Variants in PPAT observed in about 807,000 individuals in gnomAD.
The protein encoded by PPAT is amidophosphoribosyltransferase.
Under a neutral mutation model 60.2 loss-of-function variants are expected in PPAT, and 20 were observed. The observed-to-expected ratio is 0.33, with a 90% confidence interval of 0.23 to 0.48. PPAT has a LOEUF of 0.48. PPAT is among the 20% of genes least tolerant of loss of function. The pLI is 0.99. For synonymous variants in PPAT, 194 were observed against 215.1 expected (o/e 0.90, Z 0.86); for missense variants, 349 against 629.6 (o/e 0.55, Z 4.77).
intron 1 of PPAT, chr4:56,420,397 C>T (rs1716981903): frequency 6.6e-6 from 1 of 152,154 alleles, no homozygotes; most frequent in Admixed American, 6.5e-5. Context: ...TGTAGCATTT[C>T]AGATTTCATA....
rs1438958781 is a variant in PPAT at position 56,435,573 on chromosome 4, G to A, written c.-96C>T. 2 of 1,586,406 alleles carry A rather than the reference G, an allele frequency of 1.3e-6. No homozygotes were observed. The highest frequency in any genetic ancestry group is 1.3e-5 in the African/African-American group (1 of 74,374). On this transcript the variant is annotated 5_prime_UTR_variant, in exon 1 of 11. Coordinates refer to ENST00000264220, the MANE Select transcript of PPAT (RefSeq NM_002703.5). ...CGGCCCGTCGAGCTCAGAAGCTCGC[G>A]CTCGCGACAGGCTCTTCCTTCCCGA... is the stretch of plus-strand genomic sequence containing the variant.
intron 1 of PPAT, among the ~76,000 whole-genome samples, chr4:56,416,043 C>T (rs928825257): frequency 2.0e-5 from 3 of 146,596 alleles, no homozygotes; most frequent in African/African-American, 7.6e-5. Flanking sequence ...GCACTCCAGC[C>T]TGGGCGACAG....
intron 1 of PPAT, chr4:56,410,888 A>C (rs1716419049): frequency 4.4e-6 from 3 of 685,134 alleles, no homozygotes; most frequent in African/African-American, 2.2e-5. Context: ...AGCCCCAGAG[A>C]CCACTGAAGG....
chr4:56,417,289 AT>A (rs1412969625), intron 1 of PPAT, among the ~76,000 whole-genome samples: 2 of 152,332 alleles, frequency 1.3e-5, no homozygotes, highest in East Asian at 1.9e-4. Flanking sequence ...TGTAACCTAA[AT>A]AAGAAAAAAA....
In PPAT at chr4:56,396,780, G is replaced by C. The variant is rs1302478766; in HGVS notation, c.1237-41C>G. On this transcript the variant is annotated intron_variant, in intron 9 of 10. Transcript: ENST00000264220. This position sits in a 1 kb window ranked among gnomAD's most constrained non-coding sequence, Gnocchi z 4.6. The stretch of plus-strand genomic sequence containing the variant: ...TTGCACACAAGGTTTTTAAGACTAT[G>C]CAAAATTCTTTCATTGTGCAAATAC... 4.5e-6 allele frequency: 7 copies of C among 1,572,426 alleles called. No homozygotes were observed. The highest frequency in any genetic ancestry group is 6.0e-6 in the Non-Finnish European group (7 of 1,160,654).
chr4:56,405,604 C>T (rs1716223492), intron 3 of PPAT, among the ~76,000 whole-genome samples: 1 of 152,144 alleles, frequency 6.6e-6, no homozygotes, highest in African/African-American at 2.4e-5. Flanking sequence ...CTTCATGAAG[C>T]CTCCATAAAA....
intron 1 of PPAT, among the ~76,000 whole-genome samples, chr4:56,412,573 C>T (rs1160980054): frequency 3.3e-5 from 5 of 152,268 alleles, no homozygotes; most frequent in South Asian, 2.1e-4. Context: ...AAGTGAGGCA[C>T]GATCCACCAC....
chr4:56,431,442 A>G, intron 1 of PPAT: 3 of 981,044 alleles, frequency 3.1e-6, no homozygotes, highest in Non-Finnish European at 3.6e-6. Flanking sequence ...AAATCTCTTA[A>G]GAAAAGTGCT....
chr4:56,410,545 T>C (rs554469749), intron 1 of PPAT: 3 of 986,318 alleles, frequency 3.0e-6, no homozygotes, highest in Non-Finnish European at 3.6e-6. Context: ...AGCACTGGAC[T>C]GAGGAGGAGG....
rs779046474 is a variant in PPAT, at chr4:56,435,376, A to G, written c.102T>C (p.Thr34=). Residue 34 remains threonine (T), a synonymous_variant, in exon 1 of 11, where the codon ACT becomes ACC. Coordinates refer to ENST00000264220, the MANE Select transcript of PPAT (RefSeq NM_002703.5). ...GGTGCTGCAGCCCCACGAGTCCCAG[A>G]GTGATCACATGCGGTACATCCAGCT... ...PTQLDVPHVI[T]LGLVGLQHRG... 18 of 1,613,326 alleles carry G rather than the reference A, an allele frequency of 1.1e-5. No individual in the cohort carries two copies. Among genetic ancestry groups the G allele is most frequent in the African/African-American group, 2.7e-5 (2 of 74,762 alleles).
chr4:56,427,557 A>T (rs1717352598), intron 1 of PPAT, among the ~76,000 whole-genome samples: 1 of 151,988 alleles, frequency 6.6e-6, no homozygotes, highest in Non-Finnish European at 1.5e-5. Flanking sequence ...CTGTAGTGCC[A>T]GCTACTTGGG....
intron 1 of PPAT, chr4:56,420,372 A>C (rs995344248): frequency 6.6e-6 from 1 of 152,252 alleles, no homozygotes; most frequent in Non-Finnish European, 1.5e-5. Flanking sequence ...TTGGTGCTCA[A>C]AAAGTTTCAA....
intron 1 of PPAT, chr4:56,410,901 A>C: frequency 2.3e-4 from 2 of 8,648 alleles, no homozygotes; most frequent in Non-Finnish European, 3.6e-4. Context: ...ACTGAAGGTA[A>C]AAAAAAAAAA....
At chr4:56,398,865 C>A (rs1716046814) in intron 9 of PPAT, among the ~76,000 whole-genome samples, 1 of 151,184 alleles carries the variant, frequency 6.6e-6, no homozygotes, top group South Asian at 2.1e-4. Context: ...ATTGCCCAGG[C>A]TGTTCTCGAA....
At chr4:56,428,837 T>C (rs1717428907) in intron 1 of PPAT, 1 of 179,114 alleles carries the variant, frequency 5.6e-6, no homozygotes, top group Non-Finnish European at 1.1e-5. Context: ...TATTTGTCCA[T>C]CTGCTTAAGT....
At chr4:56,400,950 A>C (rs752091900) in intron 7 of PPAT, 39 bp from the exon 8 acceptor site, 1 of 1,572,088 alleles carries the variant, frequency 6.4e-7, no homozygotes, top group Non-Finnish European at 8.7e-7. Flanking sequence ...ATTTTTACTT[A>C]GCATGATATA....
chr4:56,419,662 C>A (rs954452558), intron 1 of PPAT: 51 of 983,620 alleles, frequency 5.2e-5, no homozygotes, highest in Non-Finnish European at 6.2e-5. Context: ...ACTTTTATCC[C>A]AACTGTAGCA....
At chr4:56,426,936 CTCCTT>C (rs1312873900) in intron 1 of PPAT, among the ~76,000 whole-genome samples, 1 of 152,178 alleles carries the variant, frequency 6.6e-6, no homozygotes, top group Non-Finnish European at 1.5e-5. Context: ...GACCACTATT[CTCCTT>C]TCCATCTTTG....
At chr4:56,434,000 A>C (rs988579301) in intron 1 of PPAT, among the ~76,000 whole-genome samples, 4 of 152,184 alleles carry the variant, frequency 2.6e-5, no homozygotes, top group Non-Finnish European at 4.4e-5. Context: ...ATAGTTTCTA[A>C]GAATGTTACA....
Sources: allele counts gnomAD v4.1 joint callset (sites outside exome capture counted in the v4.1 genomes callset), GRCh38; gene constraint gnomAD v4.1.1; non-coding constraint Gnocchi (gnomAD v3.1); transcripts MANE v1.5; gene names NCBI Gene and HGNC (gene_info 2026-07-23, HGNC 2026-07-21).